Variants in ZCCHC14 observed in about 807,000 individuals in gnomAD.
ZCCHC14 encodes zinc finger CCHC domain-containing protein 14.
In ZCCHC14, 16 loss-of-function variants were observed where a neutral mutation model predicts 85.0. The ratio of observed to expected loss-of-function variants is 0.19; its 90% confidence interval spans 0.13 to 0.29. The LOEUF (loss-of-function observed/expected upper bound fraction) is 0.29. Ranked by LOEUF, ZCCHC14 falls within the 10% of genes least tolerant of loss-of-function variation. The probability of loss-of-function intolerance (pLI) is 1.00; values close to 1 mark genes in which losing one functional copy is unlikely to be tolerated. For missense variants in ZCCHC14, 1,303 were observed against 1,443.5 expected (o/e 0.90, Z 1.58); for synonymous variants, 775 against 630.7 (o/e 1.23, Z -3.43).
chr16:87,487,146 T>C (rs998061106), intron 1 of ZCCHC14, among the ~76,000 whole-genome samples: 1 of 152,224 alleles, frequency 6.6e-6, no homozygotes, highest in Non-Finnish European at 1.5e-5. Context: ...ACGGTATTTG[T>C]GTCTATCTGA....
chr16:87,423,590 A>C (rs1396683768), intron 4 of ZCCHC14, among the ~76,000 whole-genome samples: 2 of 152,086 alleles, frequency 1.3e-5, no homozygotes, highest in Non-Finnish European at 2.9e-5. Flanking sequence ...CTCAGTCTCA[A>C]CAAGTGAAGG....
At chr16:87,435,165 C>T (rs756660678) in intron 2 of ZCCHC14, among the ~76,000 whole-genome samples, 2 of 152,110 alleles carry the variant, frequency 1.3e-5, no homozygotes, top group African/African-American at 2.4e-5. Context: ...CTAACATACA[C>T]GAACCTCTCC....
chr16:87,461,168 C>T (rs565267933), intron 1 of ZCCHC14, among the ~76,000 whole-genome samples: 18 of 152,318 alleles, frequency 1.2e-4, no homozygotes, highest in South Asian at 6.2e-4. Context: ...ACACAACAAG[C>T]GCAGAAACAA....
At chr16:87,421,478 C>T (rs1199930850) in intron 4 of ZCCHC14, among the ~76,000 whole-genome samples, 1 of 152,132 alleles carries the variant, frequency 6.6e-6, no homozygotes, top group Non-Finnish European at 1.5e-5. Flanking sequence ...GAGGGCAAGG[C>T]ACTGAGGAAG....
chr16:87,422,699 G>A (rs1030964732), intron 4 of ZCCHC14, among the ~76,000 whole-genome samples: 5 of 151,706 alleles, frequency 3.3e-5, no homozygotes, highest in Admixed American at 3.3e-4. Flanking sequence ...TCATACCACT[G>A]CACTCCAGTC....
intron 2 of ZCCHC14, among the ~76,000 whole-genome samples, chr16:87,456,349 T>C (rs1184220491): frequency 2.6e-5 from 4 of 151,624 alleles, no homozygotes; most frequent in Non-Finnish European, 5.9e-5. Flanking sequence ...GCTAACACGG[T>C]GAAACCACGT....
intron 3 of ZCCHC14, among the ~76,000 whole-genome samples, chr16:87,428,236 G>A (rs1159373725): frequency 6.6e-6 from 1 of 152,040 alleles, no homozygotes; most frequent in South Asian, 2.1e-4. Flanking sequence ...GGAAAACAAC[G>A]ATACATAAAA....
chr16:87,460,031 C>G lies in ZCCHC14; in HGVS notation c.671G>C (p.Arg224Thr), dbSNP rs914849817. The G allele has an allele frequency of 6.2e-7, 1 of 1,614,122 alleles. No individual in the cohort carries two copies. The highest frequency in any genetic ancestry group is 8.5e-7 in the Non-Finnish European group (1 of 1,180,018). Residue 224 changes from arginine (R) to threonine (T), a missense_variant, in exon 2 of 13, where the codon AGG becomes ACG. Transcript: ENST00000671377. ...AHSTEESLPK[R>T]PLGKHSKVSV... ...ACCTTTGCTGTGTTTTCCTAAGGGC[C>G]TCTTGGGCAGCGACTCCTCCGTGGA...
chr16:87,481,717 A>G (rs1192862026), intron 1 of ZCCHC14, among the ~76,000 whole-genome samples: 1 of 152,156 alleles, frequency 6.6e-6, no homozygotes, highest in African/African-American at 2.4e-5. Context: ...GGGATAAAAA[A>G]GGGCATCTCT....
chr16:87,446,923 G>C (rs557595245), intron 2 of ZCCHC14, among the ~76,000 whole-genome samples: 1 of 152,206 alleles, frequency 6.6e-6, no homozygotes, highest in African/African-American at 2.4e-5. Context: ...CTGACCTCAG[G>C]TGATCCACCT....
intron 1 of ZCCHC14, among the ~76,000 whole-genome samples, chr16:87,482,871 T>C (rs1475956322): frequency 6.6e-6 from 1 of 152,148 alleles, no homozygotes; most frequent in African/African-American, 2.4e-5. Flanking sequence ...ACAAGTTCCA[T>C]ACCAGGCGAC....
In ZCCHC14 at chr16:87,437,009, G is replaced by T. The variant is rs558066235; in HGVS notation, c.695-3808C>A. On this transcript the variant is annotated intron_variant, in intron 2 of 12. Coordinates refer to ENST00000671377, the MANE Select transcript of ZCCHC14 (RefSeq NM_015144.3). ...CCGCCTTCCCCTCCCTCCCTGGTCA[G>T]CCCCACTGCCTTCTGTGGAGCGTAA... Among the ~76,000 whole-genome samples, 17 of 152,142 alleles carry T rather than the reference G, an allele frequency of 1.1e-4. No homozygotes were observed. In the South Asian group the frequency reaches 3.5e-3, roughly 32 times the overall value.
chr16:87,489,772 TA>T (rs985845663), intron 1 of ZCCHC14, among the ~76,000 whole-genome samples: 29 of 152,204 alleles, frequency 1.9e-4, no homozygotes, highest in African/African-American at 7.0e-4. Flanking sequence ...GGCTCTCCTA[TA>T]AAAGACATTT....
chr16:87,430,945 G>A (rs1311489442), intron 3 of ZCCHC14, among the ~76,000 whole-genome samples: 1 of 150,772 alleles, frequency 6.6e-6, no homozygotes, highest in Admixed American at 6.6e-5. Flanking sequence ...TTTGAGACCA[G>A]CCTGAACAAC....
At chr16:87,490,426 A>G (rs1912700824) in intron 1 of ZCCHC14, among the ~76,000 whole-genome samples, 2 of 152,274 alleles carry the variant, frequency 1.3e-5, no homozygotes, top group South Asian at 2.1e-4. Context: ...CTAAATACAC[A>G]TCACACCAGG....
chr16:87,456,516 G>C (rs1205469138), intron 2 of ZCCHC14, among the ~76,000 whole-genome samples: 1 of 103,490 alleles, frequency 9.7e-6, no homozygotes, highest in African/African-American at 3.7e-5. Context: ...CTGGGCGACA[G>C]AGCAAGACTC....
chr16:87,423,933 T>C, intron 3 of ZCCHC14, 52 bp from the exon 4 acceptor site: 2 of 1,595,134 alleles, frequency 1.3e-6, no homozygotes, highest in Admixed American at 1.7e-5. Context: ...ACATACTTGG[T>C]TCCCAGCACG....
At chr16:87,448,292 G>A (rs1280571411) in intron 2 of ZCCHC14, among the ~76,000 whole-genome samples, 1 of 152,156 alleles carries the variant, frequency 6.6e-6, no homozygotes, top group Non-Finnish European at 1.5e-5. Context: ...CAAGTCCAAT[G>A]TTAGCCTGAT....
intron 2 of ZCCHC14, among the ~76,000 whole-genome samples, chr16:87,454,221 G>C (rs1158815645): frequency 6.6e-6 from 1 of 152,220 alleles, no homozygotes; most frequent in Non-Finnish European, 1.5e-5. Flanking sequence ...TGGAGAAGAG[G>C]AGGAGAATGA....
Sources: allele counts gnomAD v4.1 joint callset (sites outside exome capture counted in the v4.1 genomes callset), GRCh38; gene constraint gnomAD v4.1.1; transcripts MANE v1.5; gene names NCBI Gene and HGNC (gene_info 2026-07-23, HGNC 2026-07-21).